Variants in MAP3K5 observed in about 807,000 individuals in gnomAD.
MAP3K5 encodes the protein ASK-1.
A neutral mutation model predicts 158.7 loss-of-function variants in MAP3K5; 56 were observed. That is an observed-to-expected ratio of 0.35 (90% CI 0.28 to 0.44). MAP3K5 has a LOEUF of 0.44. Ranked by LOEUF, MAP3K5 falls within the 20% of genes least tolerant of loss-of-function variation. The probability of loss-of-function intolerance (pLI) is 1.00; values close to 1 mark genes in which losing one functional copy is unlikely to be tolerated. For missense variants in MAP3K5, 1,294 were observed against 1,674.8 expected (o/e 0.77, Z 3.97); for synonymous variants, 579 against 601.7 (o/e 0.96, Z 0.55).
intron 29 of MAP3K5, 35 bp from the exon 30 acceptor site, chr6:136,557,853 A>G (rs1830318980): frequency 7.0e-7 from 1 of 1,419,602 alleles, no homozygotes; most frequent in African/African-American, 1.4e-5. Context: ...TGAAACGAAC[A>G]TTTCATTTGA....
At chr6:136,571,457 TG>T (rs1440992402) in intron 25 of MAP3K5, among the ~76,000 whole-genome samples, 2 of 152,210 alleles carry the variant, frequency 1.3e-5, no homozygotes, top group Non-Finnish European at 2.9e-5. Context: ...TCCCACTTGC[TG>T]AACTACAGGA....
intron 24 of MAP3K5, 58 bp downstream of exon 24, chr6:136,583,497 C>CTG: frequency 1.4e-6 from 2 of 1,425,472 alleles, no homozygotes; most frequent in Non-Finnish European, 1.9e-6. Flanking sequence ...TATGTTTTAT[C>CTG]TTATTTTTCT....
chr6:136,580,330 A>G lies in MAP3K5; in HGVS notation c.3488T>C (p.Val1163Ala). 6.2e-7 allele frequency: 1 copy of G among 1,613,540 alleles called. No individual in the cohort carries two copies. Among genetic ancestry groups the G allele is most frequent in the Non-Finnish European group, 8.5e-7 (1 of 1,179,466 alleles). The change falls in exon 25 of 30, where the codon GTA becomes GCA. Residue 1163 changes from valine (V) to alanine (A), a missense_variant. By Grantham distance (64) the Val-to-Ala change is moderately conservative (BLOSUM62 0). Coordinates refer to ENST00000359015, the MANE Select transcript of MAP3K5 (RefSeq NM_005923.4). ...AACCAGGATGGTAATGGCTGTCTGT[A>G]CCGCCTTCCGAATGATACTGTCTAA... is the stretch of plus-strand genomic sequence containing the variant. ...FALDSIIRKA[V>A]QTAITILVPE...
chr6:136,787,397 T>C (rs1361978709), intron 1 of MAP3K5, among the ~76,000 whole-genome samples: 1 of 152,232 alleles, frequency 6.6e-6, no homozygotes, highest in Non-Finnish European at 1.5e-5. Context: ...ATACAAGCAG[T>C]TCATTTAATC....
chr6:136,701,899 T>C (rs563783446), intron 3 of MAP3K5, among the ~76,000 whole-genome samples: 1 of 152,344 alleles, frequency 6.6e-6, no homozygotes, highest in African/African-American at 2.4e-5. Flanking sequence ...GTTTATCAGA[T>C]ATTATTATTG....
chr6:136,663,636 A>C (rs1583373356), intron 8 of MAP3K5, among the ~76,000 whole-genome samples: 1 of 144,582 alleles, frequency 6.9e-6, no homozygotes, highest in South Asian at 2.2e-4. Context: ...TGGAGAAAGA[A>C]TCTCACTCTA....
chr6:136,651,905 T>C (rs1778536495), intron 10 of MAP3K5, among the ~76,000 whole-genome samples: 1 of 152,142 alleles, frequency 6.6e-6, no homozygotes, highest in Non-Finnish European at 1.5e-5. Context: ...TATCTACTTG[T>C]ATAGATGCTT....
At chr6:136,698,059 T>C (rs1780681647) in intron 4 of MAP3K5, among the ~76,000 whole-genome samples, 1 of 152,228 alleles carries the variant, frequency 6.6e-6, no homozygotes, top group Non-Finnish European at 1.5e-5. Context: ...GTACCTATGA[T>C]TTGAACATAA....
intron 11 of MAP3K5, among the ~76,000 whole-genome samples, chr6:136,643,703 G>C (rs1778102389): frequency 6.6e-6 from 1 of 152,202 alleles, no homozygotes; most frequent in South Asian, 2.1e-4. Context: ...ATGTCAGTCA[G>C]GTCATGGGGA....
intron 20 of MAP3K5, 46 bp downstream of exon 20, chr6:136,601,756 A>C (rs1775885332): frequency 6.4e-7 from 1 of 1,559,206 alleles, no homozygotes; most frequent in South Asian, 1.2e-5. Flanking sequence ...TTAAAAGCTT[A>C]GGATTGAAGG....
At chr6:136,748,045 A>C (rs1295245610) in intron 1 of MAP3K5, among the ~76,000 whole-genome samples, 1 of 152,200 alleles carries the variant, frequency 6.6e-6, no homozygotes, top group Non-Finnish European at 1.5e-5. Flanking sequence ...CTAAAAAAAA[A>C]CAAAATTTCC....
intron 18 of MAP3K5, among the ~76,000 whole-genome samples, chr6:136,607,385 T>C (rs1583263751): frequency 1.3e-5 from 2 of 152,322 alleles, no homozygotes; most frequent in Middle Eastern, 3.4e-3. Context: ...CATCTGCCAA[T>C]TGTGTTTAAT....
rs896395604 is a variant in MAP3K5, at chr6:136,632,881, T to C, written c.2016+4444A>G. 3.9e-5 allele frequency among the ~76,000 whole-genome samples: 6 copies of C among 152,138 alleles called. No individual in the cohort carries two copies. In the East Asian group the frequency reaches 5.8e-4, roughly 15 times the overall value. On this transcript the variant is annotated intron_variant, in intron 14 of 29. Coordinates refer to ENST00000359015, the MANE Select transcript of MAP3K5 (RefSeq NM_005923.4). ...ATAAAAGTATTATAATAATAACATA[T>C]TAAAATACTTGAGATATGAGTTCAT...
At chr6:136,602,677 A>C (rs1279080857) in intron 19 of MAP3K5, among the ~76,000 whole-genome samples, 1 of 152,166 alleles carries the variant, frequency 6.6e-6, no homozygotes, top group Non-Finnish European at 1.5e-5. Context: ...CCACTTACAG[A>C]TCTCATCAAA....
chr6:136,745,171 A>G (rs977449566), intron 1 of MAP3K5, among the ~76,000 whole-genome samples: 1 of 141,948 alleles, frequency 7.0e-6, no homozygotes, highest in Non-Finnish European at 1.5e-5. Flanking sequence ...TTTTTGAGCA[A>G]CTTAATTGGA....
intron 10 of MAP3K5, among the ~76,000 whole-genome samples, chr6:136,654,145 A>G (rs1311333234): frequency 6.6e-6 from 1 of 152,234 alleles, no homozygotes; most frequent in Non-Finnish European, 1.5e-5. Context: ...TTGCTTCGAA[A>G]TGTTTTCTAA....
At chr6:136,567,914 G>A (rs1449391723) in intron 25 of MAP3K5, 40 bp from the exon 26 acceptor site, 4 of 1,593,548 alleles carry the variant, frequency 2.5e-6, no homozygotes, top group Non-Finnish European at 3.4e-6. Flanking sequence ...TATAAAATAT[G>A]ACTCATTGCC....
intron 1 of MAP3K5, among the ~76,000 whole-genome samples, chr6:136,770,314 A>G (rs375606005): frequency 6.6e-6 from 1 of 152,326 alleles, no homozygotes; most frequent in East Asian, 1.9e-4. Context: ...AATTCTGGGC[A>G]AAGTAGAAAA....
intron 11 of MAP3K5, 54 bp from the exon 12 acceptor site, chr6:136,642,623 C>A (rs1778037659): frequency 8.3e-7 from 1 of 1,208,264 alleles, no homozygotes; most frequent in South Asian, 1.3e-5. Context: ...AATAACATAA[C>A]AACAATAATT....
Sources: gnomAD v4.1 joint callset for allele counts (sites outside exome capture counted in the v4.1 genomes callset) on GRCh38, gnomAD v4.1.1 for gene constraint, MANE v1.5 for transcripts, NCBI Gene and HGNC (gene_info 2026-07-23, HGNC 2026-07-21) for gene names.